Variants in TBCD observed in about 807,000 individuals in gnomAD.
TBCD encodes the protein tubulin folding cofactor D.
A neutral mutation model predicts 169.3 loss-of-function variants in TBCD; 105 were observed. That is an observed-to-expected ratio of 0.62 (90% CI 0.53 to 0.73). The LOEUF is 0.73. Among genes scored for constraint, TBCD ranks in the 30% least tolerant of loss-of-function variants. The pLI is 0.00. For missense variants in TBCD, 1,444 were observed against 1,600.1 expected, an observed-to-expected ratio of 0.90 and a Z score of 1.66; for synonymous variants, 700 against 643.9, an observed-to-expected ratio of 1.09 and a Z score of -1.32.
chr17:82,828,135 G>C (rs1232510556), intron 13 of TBCD, among the ~76,000 whole-genome samples: 1 of 126,144 alleles, frequency 7.9e-6, no homozygotes, highest in Non-Finnish European at 1.6e-5. Flanking sequence ...CCACACAGTT[G>C]AATGTGCATA....
In TBCD at chr17:82,920,409, G is replaced by A. The variant is rs1299599618; in HGVS notation, c.2039-147G>A. ...GGTGGTTCTGAAATGGTTCTGGGATGTTTCCAGCCCTGGCAGCAGGGTAGG... is the reference window on the plus strand; with the variant it reads ...GGTGGTTCTGAAATGGTTCTGGGATATTTCCAGCCCTGGCAGCAGGGTAGG... On this transcript the variant is annotated intron_variant, in intron 23 of 38. Coordinates refer to ENST00000355528, the MANE Select transcript of TBCD (RefSeq NM_005993.5). The surrounding 1 kb of genome is among the most constrained non-coding windows in gnomAD (Gnocchi z 4.1). 2 of 690,792 alleles carry A rather than the reference G, an allele frequency of 2.9e-6. No individual in the cohort carries two copies. The highest frequency in any genetic ancestry group is 1.8e-5 in the African/African-American group (1 of 55,100). 42.8% of individuals were successfully genotyped at this position (690,792 alleles called of 1,614,324 possible).
chr17:82,934,703 C>T (rs1005043722), intron 34 of TBCD, among the ~76,000 whole-genome samples: 5 of 152,114 alleles, frequency 3.3e-5, no homozygotes, highest in South Asian at 2.1e-4. Flanking sequence ...AACTCCCGAC[C>T]TGAGGTGATC....
intron 13 of TBCD, among the ~76,000 whole-genome samples, chr17:82,836,958 C>T (rs1265608528): frequency 6.6e-6 from 1 of 152,084 alleles, no homozygotes; most frequent in East Asian, 1.9e-4. Context: ...GTTTGGAGCT[C>T]AATTGCTCGA....
chr17:82,926,218 C>T lies in TBCD; in HGVS notation c.2380-182C>T, dbSNP rs868169813. On this transcript the variant is annotated intron_variant, in intron 27 of 38. Coordinates refer to ENST00000355528, the MANE Select transcript of TBCD (RefSeq NM_005993.5). Reference sequence around the variant, plus strand: ...GGGCCGTGGAGAGGCTGGAGGTGACCTCTCCCCGGGTGTCCTTCCTGGGTT... The same window carrying T: ...GGGCCGTGGAGAGGCTGGAGGTGACTTCTCCCCGGGTGTCCTTCCTGGGTT... Among the ~76,000 whole-genome samples the T allele has an allele frequency of 4.8e-3, 670 of 138,882 alleles. 2 individuals carry two copies. Among genetic ancestry groups the T allele is most frequent in the African/African-American group, 7.2e-3 (274 of 38,296 alleles). 91.1% of individuals were successfully genotyped at this position (138,882 alleles called of 152,430 possible).
At chr17:82,790,034 C>T (rs533703748) in intron 7 of TBCD, among the ~76,000 whole-genome samples, 2 of 152,254 alleles carry the variant, frequency 1.3e-5, no homozygotes, top group South Asian at 2.1e-4. Flanking sequence ...TGGTTCATTG[C>T]TCATCTGTTC....
rs1158320185 is a variant in TBCD at position 82,874,384 on chromosome 17, G to A, written c.1475+4004G>A. 1.3e-5 allele frequency among the ~76,000 whole-genome samples: 2 copies of A among 152,140 alleles called. No homozygotes were observed. The highest frequency in any genetic ancestry group is 2.4e-5 in the African/African-American group (1 of 41,428). On this transcript the variant is annotated intron_variant, in intron 14 of 38. Coordinates refer to ENST00000355528, the MANE Select transcript of TBCD (RefSeq NM_005993.5). The surrounding 1 kb of genome is among the most constrained non-coding windows in gnomAD (Gnocchi z 5.0). ...CTGGGTCCCACTTGGCTTTGATCTCGTGGGGCTTTGGTTTTTGGAGGTCCT... is the reference window on the plus strand; with the variant it reads ...CTGGGTCCCACTTGGCTTTGATCTCATGGGGCTTTGGTTTTTGGAGGTCCT...
chr17:82,889,546 G>A lies in TBCD; in HGVS notation c.1534-122G>A. 2 of 1,181,114 alleles carry A rather than the reference G, an allele frequency of 1.7e-6. No homozygotes were observed. The highest frequency in any genetic ancestry group is 1.3e-5 in the South Asian group (1 of 74,176). The allele number at this position is 1,181,114 out of a possible 1,614,324, so 73.2% of individuals were successfully genotyped here. A position where few individuals can be genotyped will look rare whatever the true frequency, so the allele number is the denominator to read the frequency against. Reference sequence around the variant, plus strand: ...TGAGGCTCTGTTCAGCCAACAATGAGGGCTTTTATTTAAAAAATAAAGCCG... The same window carrying A: ...TGAGGCTCTGTTCAGCCAACAATGAAGGCTTTTATTTAAAAAATAAAGCCG... On this transcript the variant is annotated intron_variant, in intron 15 of 38. Transcript: ENST00000355528. This position sits in a 1 kb window ranked among gnomAD's most constrained non-coding sequence, Gnocchi z 5.3.
chr17:82,807,641 C>T lies in TBCD; in HGVS notation c.1121C>T (p.Thr374Met), dbSNP rs953299085. The change falls in exon 11 of 39, where the codon ACG (threonine) becomes ATG (methionine). Residue 374 changes from threonine (T) to methionine (M), a missense_variant. Transcript: ENST00000355528. ...CTGGTCGGGCTGAAGGACAAGGACACGGTCGTGCGGTGGTCTGCAGCCAAG... is the reference window on the plus strand; with the variant it reads ...CTGGTCGGGCTGAAGGACAAGGACATGGTCGTGCGGTGGTCTGCAGCCAAG... ...QLLVGLKDKD[T>M]VVRWSAAKGI... 3.9e-6 allele frequency: 6 copies of T among 1,551,796 alleles called. No homozygotes were observed. Among genetic ancestry groups the T allele is most frequent in the Non-Finnish European group, 4.4e-6 (5 of 1,147,840 alleles).
chr17:82,857,137 T>A (rs891434171), intron 13 of TBCD, among the ~76,000 whole-genome samples: 7 of 152,252 alleles, frequency 4.6e-5, no homozygotes, highest in Admixed American at 1.3e-4. Flanking sequence ...TGTTCTTTTT[T>A]AAAAAATTAT....
intron 14 of TBCD, among the ~76,000 whole-genome samples, chr17:82,882,883 G>T (rs1410626068): frequency 6.6e-6 from 1 of 152,118 alleles, no homozygotes; most frequent in Non-Finnish European, 1.5e-5. Flanking sequence ...ACACGCCCCG[G>T]AAGTCAGGAT....
In TBCD at chr17:82,944,908, C is replaced by T. The variant is rs1026521317; in HGVS notation, c.*2445C>T. 6.6e-6 allele frequency: 1 copy of T among 152,200 alleles called. No homozygotes were observed. The highest frequency in any genetic ancestry group is 1.9e-4 in the East Asian group (1 of 5,198). 9.4% of individuals were successfully genotyped at this position (152,200 alleles called of 1,614,324 possible). A position where few individuals can be genotyped will look rare whatever the true frequency, so the allele number is the denominator to read the frequency against. On this transcript the variant is annotated 3_prime_UTR_variant, in exon 39 of 39. Coordinates refer to ENST00000355528, the MANE Select transcript of TBCD (RefSeq NM_005993.5). ...CCTAAATAAGTCTTTTTCAAAGGAACAGCAGCAAGACTCTTATCTCAATCT... is the reference window on the plus strand; with the variant it reads ...CCTAAATAAGTCTTTTTCAAAGGAATAGCAGCAAGACTCTTATCTCAATCT...
intron 5 of TBCD, among the ~76,000 whole-genome samples, chr17:82,771,762 CAG>C (rs1473689960): frequency 6.6e-6 from 1 of 152,030 alleles, no homozygotes; most frequent in East Asian, 1.9e-4. Flanking sequence ...GCCTGGGTGA[CAG>C]AGCGAGACCC....
chr17:82,788,929 C>G (rs2144453793), intron 7 of TBCD, among the ~76,000 whole-genome samples: 1 of 152,314 alleles, frequency 6.6e-6, no homozygotes, highest in African/African-American at 2.4e-5. Context: ...TGAAAGAAGA[C>G]AGCTGATTAT....
chr17:82,849,532 T>G (rs1243711465), intron 13 of TBCD, among the ~76,000 whole-genome samples: 1 of 152,240 alleles, frequency 6.6e-6, no homozygotes, highest in Non-Finnish European at 1.5e-5. Context: ...TGATGGTGTC[T>G]TTTTAGGTTA....
At chr17:82,765,557 G>A (rs1365899943) in intron 3 of TBCD, among the ~76,000 whole-genome samples, 3 of 152,198 alleles carry the variant, frequency 2.0e-5, no homozygotes, top group African/African-American at 4.8e-5. Flanking sequence ...CTGTTGTCTG[G>A]CGGGAAAGTC....
rs894671112 is a variant in TBCD at position 82,893,929 on chromosome 17, C to T, written c.1649+297C>T. 3.4e-4 allele frequency among the ~76,000 whole-genome samples: 52 copies of T among 152,156 alleles called. 1 individual carries two copies. The highest frequency in any genetic ancestry group is 1.6e-4 in the Non-Finnish European group (11 of 68,028). ...AGTGCTGTCTCTGCTTATGATTTTT[C>T]TCCTGGTCGCCCCGTTTTACCCGTG... On this transcript the variant is annotated intron_variant, in intron 17 of 38. Transcript: ENST00000355528.
In TBCD at chr17:82,907,795, C is replaced by T. The variant is rs2060355104; in HGVS notation, c.1957C>T (p.Gln653Ter). Residue 653 changes from glutamine (Q) to a stop codon, truncating the protein, a stop_gained, in exon 21 of 39, where the codon CAG becomes TAG. Transcript: ENST00000355528. LOFTEE classifies it high-confidence loss of function. The stretch of plus-strand genomic sequence containing the variant: ...GGACCATCTGGACGAGCAGGCAGTG[C>T]AGGGCCTGAAGCAGATTCACCAGCA... Reference protein sequence around the residue: ...VTDHLDEQAVQGLKQIHQQLY... With the variant: ...VTDHLDEQAV The T allele has an allele frequency of 1.2e-6, 2 of 1,613,644 alleles. No homozygotes were observed. The highest frequency in any genetic ancestry group is 1.7e-6 in the Non-Finnish European group (2 of 1,179,750).
intron 2 of TBCD, among the ~76,000 whole-genome samples, chr17:82,758,382 C>G (rs1252489112): frequency 1.9e-3 from 10 of 5,372 alleles, no homozygotes; most frequent in Non-Finnish European, 9.2e-3. Context: ...GAAAACGTCT[C>G]GGAAAAAAAA....
At position 82,903,435 on chromosome 17, in the gene TBCD, G is replaced by A. The variant is rs370932975; in HGVS notation, c.1761G>A (p.Leu587=). Residue 587 remains leucine (L), a synonymous_variant, in exon 19 of 39, where the codon CTG becomes CTA. Transcript: ENST00000355528. This position sits in a 1 kb window ranked among gnomAD's most constrained non-coding sequence, Gnocchi z 4.8. ...GVIRELAARA[L]HNLAQQAPEF... ...TCCGAGAGTTGGCTGCGAGGGCGCT[G>A]CACAACCTGGCCCAGCAGGCACCCG... 9.4e-6 allele frequency: 15 copies of A among 1,604,052 alleles called. No homozygotes were observed. Among genetic ancestry groups the A allele is most frequent in the Non-Finnish European group, 1.1e-5 (13 of 1,175,370 alleles).
Sources: gnomAD v4.1 joint callset for allele counts (sites outside exome capture counted in the v4.1 genomes callset) on GRCh38, gnomAD v4.1.1 for gene constraint, Gnocchi (gnomAD v3.1) non-coding constraint, MANE v1.5 for transcripts, NCBI Gene and HGNC (gene_info 2026-07-23, HGNC 2026-07-21) for gene names.